Variants in HMGCLL1 observed in about 807,000 individuals in gnomAD.
HMGCLL1 encodes 3-hydroxy-3-methylglutaryl-CoA lyase like 1, also known as 3-hydroxymethyl-3-methylglutaryl-CoA lyase, cytoplasmic.
HMGCLL1 carries 36 observed loss-of-function variants against 39.1 expected under a neutral mutation model. That is an observed-to-expected ratio of 0.92 (90% CI 0.71 to 1.22). The LOEUF is 1.22. HMGCLL1 is among the 50% of genes most tolerant of loss of function. HMGCLL1 has a pLI of 0.00. For synonymous variants in HMGCLL1, 149 were observed against 144.0 expected (o/e 1.03, Z -0.25); for missense variants, 451 against 416.5 (o/e 1.08, Z -0.72).
At chr6:55,628,416 C>T in the HMGCLL1 span, among the ~76,000 whole-genome samples, 1 of 150,932 alleles carries the variant, frequency 6.6e-6, no homozygotes, top group East Asian at 2.0e-4. Flanking sequence ...ATTCTCCCTG[C>T]CTCAGCCTCC....
At chr6:55,667,862 G>A in the HMGCLL1 span, among the ~76,000 whole-genome samples, 1,030 of 151,384 alleles carry the variant, frequency 6.8e-3, 8 homozygotes, top group African/African-American at 0.024. Flanking sequence ...AATCAGGACC[G>A]GCATTTCTTA....
At chr6:55,658,004 C>T in the HMGCLL1 span, among the ~76,000 whole-genome samples, 3 of 151,566 alleles carry the variant, frequency 2.0e-5, no homozygotes, top group Non-Finnish European at 2.9e-5. Context: ...CAACAAACCC[C>T]CATGACACAA....
At chr6:55,492,633 A>C (rs187261502) in intron 7 of HMGCLL1, among the ~76,000 whole-genome samples, 1 of 152,204 alleles carries the variant, frequency 6.6e-6, no homozygotes, top group African/African-American at 2.4e-5. Flanking sequence ...AAAGCTCTAC[A>C]TCTCTGCTTT....
intron 7 of HMGCLL1, among the ~76,000 whole-genome samples, chr6:55,494,028 G>A (rs1312121425): frequency 2.0e-5 from 3 of 151,962 alleles, no homozygotes; most frequent in South Asian, 2.1e-4. Flanking sequence ...GTGAGCCACC[G>A]CGCCTGGCCC....
At chr6:55,448,391 A>G (rs1462956860) in intron 7 of HMGCLL1, among the ~76,000 whole-genome samples, 1 of 150,946 alleles carries the variant, frequency 6.6e-6, no homozygotes, top group Non-Finnish European at 1.5e-5. Context: ...AAAAATGAAT[A>G]GGAGAAAATG....
rs566668018 is a variant in HMGCLL1 at position 55,507,598 on chromosome 6, A to C, written c.542+6450T>G. Among the ~76,000 whole-genome samples the C allele has an allele frequency of 1.8e-4, 28 of 151,924 alleles. No individual in the cohort carries two copies. The South Asian group carries it at 5.6e-3, about 30-fold the overall frequency. Reference sequence around the variant, plus strand: ...TTATGTACAAAATATTATTTTATTCAACAAATTAAACCAATGTAGTTTCAG... The same window carrying C: ...TTATGTACAAAATATTATTTTATTCCACAAATTAAACCAATGTAGTTTCAG... On this transcript the variant is annotated intron_variant, in intron 5 of 8. Coordinates refer to ENST00000274901, the MANE Select transcript of HMGCLL1 (RefSeq NM_001042406.2).
At chr6:55,635,477 A>C in the HMGCLL1 span, among the ~76,000 whole-genome samples, 1 of 152,148 alleles carries the variant, frequency 6.6e-6, no homozygotes, top group Non-Finnish European at 1.5e-5. Flanking sequence ...CCACCTACAA[A>C]CAAGGGATTA....
chr6:55,600,086 T>C, the HMGCLL1 span, among the ~76,000 whole-genome samples: 1 of 152,198 alleles, frequency 6.6e-6, no homozygotes, highest in Non-Finnish European at 1.5e-5. Context: ...TTTAATTCTC[T>C]CACATTCAAA....
intron 1 of HMGCLL1, among the ~76,000 whole-genome samples, chr6:55,565,623 T>A (rs1771174988): frequency 6.6e-6 from 1 of 152,112 alleles, no homozygotes; most frequent in Non-Finnish European, 1.5e-5. Flanking sequence ...TCTGTACAAA[T>A]TCTTCAAAGA....
At chr6:55,458,997 A>C (rs1050585811) in intron 7 of HMGCLL1, among the ~76,000 whole-genome samples, 1 of 152,164 alleles carries the variant, frequency 6.6e-6, no homozygotes. Context: ...TTATAACAGA[A>C]GATTTTAGCT....
At chr6:55,577,374 T>C (rs1158814436) in intron 1 of HMGCLL1, among the ~76,000 whole-genome samples, 1 of 151,906 alleles carries the variant, frequency 6.6e-6, no homozygotes, top group Admixed American at 6.6e-5. Context: ...AAATCTGTAC[T>C]TGAGAGACAA....
chr6:55,601,603 G>A, the HMGCLL1 span, among the ~76,000 whole-genome samples: 1 of 152,002 alleles, frequency 6.6e-6, no homozygotes, highest in African/African-American at 2.4e-5. Context: ...GTAGAATTGC[G>A]GTCATTTTTT....
chr6:55,587,774 A>C, the HMGCLL1 span, among the ~76,000 whole-genome samples: 90 of 152,176 alleles, frequency 5.9e-4, no homozygotes, highest in South Asian at 1.2e-3. Context: ...ACTAAACAGA[A>C]TTTAAACCAA....
chr6:55,492,694 C>A (rs912007474), intron 7 of HMGCLL1, among the ~76,000 whole-genome samples: 3 of 152,206 alleles, frequency 2.0e-5, no homozygotes, highest in Admixed American at 6.5e-5. Flanking sequence ...GGCCTCATAT[C>A]ATGTTGCTTA....
intron 7 of HMGCLL1, among the ~76,000 whole-genome samples, chr6:55,482,497 G>A (rs994193375): frequency 6.6e-6 from 1 of 152,048 alleles, no homozygotes; most frequent in Non-Finnish European, 1.5e-5. Context: ...TATCTATAAA[G>A]CCTTGTATAT....
At chr6:55,567,217 T>C (rs982566951) in intron 1 of HMGCLL1, among the ~76,000 whole-genome samples, 2 of 152,008 alleles carry the variant, frequency 1.3e-5, no homozygotes, top group African/African-American at 2.4e-5. Context: ...AGGTGAAGGA[T>C]ACAAAAGAAA....
chr6:55,473,879 A>G (rs1268686956), intron 7 of HMGCLL1, among the ~76,000 whole-genome samples: 2 of 151,330 alleles, frequency 1.3e-5, no homozygotes, highest in African/African-American at 4.8e-5. Context: ...TGAACATAGA[A>G]TCCTAGGTTC....
rs144535688 is a variant in HMGCLL1 at position 55,516,771 on chromosome 6, T to C, written c.298-168A>G. Reference sequence around the variant, plus strand: ...TAAAGGAAAGTAGTTCTCAGTCTCATAGACTTATAATAAGTAGAGATAAGT... The same window carrying C: ...TAAAGGAAAGTAGTTCTCAGTCTCACAGACTTATAATAAGTAGAGATAAGT... On this transcript the variant is annotated intron_variant, in intron 3 of 8. Transcript: ENST00000274901. Among the ~76,000 whole-genome samples the C allele has an allele frequency of 4.8e-4, 73 of 152,238 alleles. 1 individual carries two copies. The East Asian group carries it at 0.013, about 28-fold the overall frequency.
chr6:55,520,062 C>A (rs1767957451), intron 3 of HMGCLL1, among the ~76,000 whole-genome samples: 1 of 125,896 alleles, frequency 7.9e-6, no homozygotes, highest in Non-Finnish European at 1.5e-5. Context: ...AACACATGGA[C>A]ACAGGGAGGG....
Sources: gnomAD v4.1 joint callset for allele counts (sites outside exome capture counted in the v4.1 genomes callset) on GRCh38, gnomAD v4.1.1 for gene constraint, MANE v1.5 for transcripts, NCBI Gene and HGNC (gene_info 2026-07-23, HGNC 2026-07-21) for gene names.